The following NEBL variants were observed in gnomAD, a reference collection of about 807,000 sequenced individuals.
NEBL encodes nebulette, also known as LIM and SH3 protein 2.
Under a neutral mutation model 140.2 loss-of-function variants are expected in NEBL, and 122 were observed. The ratio of observed to expected loss-of-function variants is 0.87; its 90% CI spans 0.75 to 1.01. The LOEUF is 1.01. NEBL is among the 50% of genes least tolerant of loss of function. NEBL has a pLI of 0.00. For missense variants in NEBL, 1,365 were observed against 1,231.3 expected, an observed-to-expected ratio of 1.11 and a Z score of -1.62; for synonymous variants, 436 against 398.9, an observed-to-expected ratio of 1.09 and a Z score of -1.11.
chr10:21,142,716 C>T (rs1325027538), intron 2 of NEBL, among the ~76,000 whole-genome samples: 3 of 152,176 alleles, frequency 2.0e-5, no homozygotes, highest in Non-Finnish European at 2.9e-5. Flanking sequence ...ACTGCTACTG[C>T]CTTCTGAGAT....
chr10:20,830,003 T>C (rs185609252), intron 16 of NEBL, among the ~76,000 whole-genome samples: 1 of 152,198 alleles, frequency 6.6e-6, no homozygotes, highest in Admixed American at 6.5e-5. Flanking sequence ...TGTTGTTTAA[T>C]GCATTGACTT....
chr10:20,821,578 G>C (rs763310593), intron 19 of NEBL, among the ~76,000 whole-genome samples: 44 of 152,178 alleles, frequency 2.9e-4, no homozygotes, highest in Admixed American at 3.9e-4. Context: ...ATTTCTAAGA[G>C]ATTGTTATAT....
chr10:21,269,673 T>G (rs991386767), intron 1 of NEBL, among the ~76,000 whole-genome samples: 1 of 152,234 alleles, frequency 6.6e-6, no homozygotes, highest in Non-Finnish European at 1.5e-5. Flanking sequence ...TATAATTGCA[T>G]CAGGCTGTCC....
At chr10:21,265,971 T>C (rs1842792257) in intron 1 of NEBL, among the ~76,000 whole-genome samples, 1 of 152,196 alleles carries the variant, frequency 6.6e-6, no homozygotes, top group Admixed American at 6.5e-5. Flanking sequence ...GGAGTATTTA[T>C]CAACAGACTC....
intron 13 of NEBL, among the ~76,000 whole-genome samples, chr10:20,838,927 A>G (rs1489260287): frequency 6.6e-6 from 1 of 152,232 alleles, no homozygotes; most frequent in African/African-American, 2.4e-5. Flanking sequence ...ACAGTATGGT[A>G]TAAACATAAC....
intron 4 of NEBL, among the ~76,000 whole-genome samples, chr10:20,950,172 G>A (rs938432879): frequency 3.3e-5 from 5 of 152,146 alleles, no homozygotes; most frequent in African/African-American, 1.2e-4. Context: ...GCAGGGCATC[G>A]GGGGTCATCT....
At chr10:21,290,550 CAGAGG>C (rs1434805317) in intron 1 of NEBL, among the ~76,000 whole-genome samples, 3 of 152,160 alleles carry the variant, frequency 2.0e-5, no homozygotes, top group African/African-American at 7.2e-5. Flanking sequence ...AATTAACCAC[CAGAGG>C]AGAGAAAGAC....
Position 20,782,351 on chromosome 10 carries a change from A to G in NEBL, c.*3396T>C, listed in dbSNP as rs1001757580. The G allele has an allele frequency of 2.0e-5, 3 of 152,604 alleles. No homozygotes were observed. The highest frequency in any genetic ancestry group is 7.2e-5 in the African/African-American group (3 of 41,432). 9.5% of individuals were successfully genotyped at this position (152,604 alleles called of 1,614,324 possible). A position where few individuals can be genotyped will look rare whatever the true frequency, so the allele number is the denominator to read the frequency against. On this transcript the variant is annotated 3_prime_UTR_variant, in exon 28 of 28. Transcript: ENST00000377122. ...TTGGTATATCTTTTATCCACTTTCT[A>G]TAGGGATGTGTTATTAAAGATCACA...
intron 3 of NEBL, among the ~76,000 whole-genome samples, chr10:21,194,802 C>T (rs1841623926): frequency 6.6e-6 from 1 of 151,966 alleles, no homozygotes; most frequent in African/African-American, 2.4e-5. Context: ...CTACCCCTCG[C>T]CCCGCCGCCC....
chr10:21,090,295 GC>G (rs1436462147), intron 2 of NEBL, among the ~76,000 whole-genome samples: 1 of 152,176 alleles, frequency 6.6e-6, no homozygotes, highest in Non-Finnish European at 1.5e-5. Flanking sequence ...AGTACAGTCA[GC>G]CCTCCGTATC....
At chr10:21,181,336 A>C (rs1841383674) in intron 3 of NEBL, among the ~76,000 whole-genome samples, 1 of 152,088 alleles carries the variant, frequency 6.6e-6, no homozygotes, top group Non-Finnish European at 1.5e-5. Context: ...AAAGTAAAAT[A>C]ATAAGAAAAA....
chr10:21,028,251 A>AGAAG (rs1554819362), intron 2 of NEBL, among the ~76,000 whole-genome samples: 2 of 36,838 alleles, frequency 5.4e-5, no homozygotes, highest in African/African-American at 8.5e-5. Context: ...AAAAAAAAAA[A>AGAAG]AAAAAGAAGA....
At chr10:20,838,128 G>A (rs575625013) in intron 13 of NEBL, among the ~76,000 whole-genome samples, 1 of 152,266 alleles carries the variant, frequency 6.6e-6, no homozygotes, top group African/African-American at 2.4e-5. Context: ...ATTTCATAGG[G>A]CTATACCTGT....
At chr10:21,018,314 A>G in intron 3 of NEBL, among the ~76,000 whole-genome samples, 1 of 152,208 alleles carries the variant, frequency 6.6e-6, no homozygotes, top group East Asian at 1.9e-4. Flanking sequence ...TTCTATGTCC[A>G]GTGTGTACTT....
intron 4 of NEBL, among the ~76,000 whole-genome samples, chr10:20,909,056 T>A (rs1848219328): frequency 6.6e-6 from 1 of 152,186 alleles, no homozygotes; most frequent in South Asian, 2.1e-4. Flanking sequence ...ATGGGGTACA[T>A]GAAATGTTTT....
chr10:21,203,810 G>T (rs1018404061), intron 3 of NEBL, among the ~76,000 whole-genome samples: 2 of 152,096 alleles, frequency 1.3e-5, no homozygotes, highest in Admixed American at 1.3e-4. Flanking sequence ...TCTGAACTCG[G>T]GATGACTGTG....
chr10:20,968,027 GT>G lies in NEBL; in HGVS notation c.250-6249del, dbSNP rs79961633. 0.019 allele frequency among the ~76,000 whole-genome samples: 2,864 copies of G among 152,158 alleles called. 355 individuals are homozygous for G. In the East Asian group the frequency reaches 0.34, roughly 18 times the overall value. On this transcript the variant is annotated intron_variant, in intron 3 of 6. Transcript: ENST00000417816. ...TATTTTCAGTCAGCCAAAGACTTGG[GT>G]TTTTTCGTAAATGGCAGGTGAGCTA...
chr10:20,857,939 T>A (rs1246352676), intron 9 of NEBL, among the ~76,000 whole-genome samples: 1 of 152,044 alleles, frequency 6.6e-6, no homozygotes, highest in Non-Finnish European at 1.5e-5. Context: ...GAACTTCAAG[T>A]GGCTTTAATC....
At chr10:21,271,809 A>C (rs1416593304) in intron 1 of NEBL, among the ~76,000 whole-genome samples, 1 of 152,202 alleles carries the variant, frequency 6.6e-6, no homozygotes, top group Non-Finnish European at 1.5e-5. Flanking sequence ...TACAGGCGTG[A>C]GCCACTGCGC....
Sources: gnomAD v4.1 joint callset for allele counts (sites outside exome capture counted in the v4.1 genomes callset) on GRCh38, gnomAD v4.1.1 for gene constraint, MANE v1.5 for transcripts, NCBI Gene and HGNC (gene_info 2026-07-23, HGNC 2026-07-21) for gene names.